The following ADGRL3 variants were observed in gnomAD, a reference collection of about 807,000 sequenced individuals.
The protein encoded by ADGRL3 is adhesion G protein-coupled receptor L3, also known as calcium-independent alpha-latrotoxin receptor 3.
Under a neutral mutation model 153.5 loss-of-function variants are expected in ADGRL3, and 62 were observed. The observed-to-expected ratio is 0.40, with a 90% CI of 0.33 to 0.50. ADGRL3 has a LOEUF of 0.50. Among genes scored for constraint, ADGRL3 ranks in the 20% least tolerant of loss-of-function variants. The pLI is 0.47. For missense variants in ADGRL3, 1,641 were observed against 1,859.4 expected, an observed-to-expected ratio of 0.88 and a Z score of 2.16; for synonymous variants, 710 against 672.5, an observed-to-expected ratio of 1.06 and a Z score of -0.86.
At chr4:61,825,393 TAGC>T (rs1471278263) in intron 9 of ADGRL3, among the ~76,000 whole-genome samples, 1 of 152,200 alleles carries the variant, frequency 6.6e-6, no homozygotes, top group Non-Finnish European at 1.5e-5. Context: ...TAATTTAATT[TAGC>T]AGCAATACTC....
chr4:61,813,313 G>A (rs1580954611), intron 8 of ADGRL3, among the ~76,000 whole-genome samples: 1 of 152,228 alleles, frequency 6.6e-6, no homozygotes, highest in East Asian at 1.9e-4. Flanking sequence ...AGAACAGCTT[G>A]AACCCTGGAG....
At chr4:61,822,816 T>C (rs1346676483) in intron 9 of ADGRL3, among the ~76,000 whole-genome samples, 1 of 152,162 alleles carries the variant, frequency 6.6e-6, no homozygotes, top group African/African-American at 2.4e-5. Context: ...CAAATTCTCT[T>C]TCCATGCTGG....
At chr4:62,030,442 A>G (rs151066397) in intron 22 of ADGRL3, among the ~76,000 whole-genome samples, 339 of 151,682 alleles carry the variant, frequency 2.2e-3, no homozygotes, top group African/African-American at 7.9e-3. Context: ...CTGTTCTCCC[A>G]TATACTTGGG....
At chr4:61,632,273 C>T (rs1424786840) in intron 5 of ADGRL3, among the ~76,000 whole-genome samples, 1 of 152,094 alleles carries the variant, frequency 6.6e-6, no homozygotes, top group African/African-American at 2.4e-5. Flanking sequence ...ATAATCTTTT[C>T]ATGTTAAATA....
chr4:61,807,927 C>A (rs2097569078), intron 8 of ADGRL3, among the ~76,000 whole-genome samples: 1 of 151,930 alleles, frequency 6.6e-6, no homozygotes, highest in African/African-American at 2.4e-5. Flanking sequence ...AGTTTTAATT[C>A]TTTATTAGTC....
chr4:61,428,677 G>A (rs550434913), intron 2 of ADGRL3, among the ~76,000 whole-genome samples: 1 of 152,230 alleles, frequency 6.6e-6, no homozygotes, highest in Admixed American at 6.5e-5. Flanking sequence ...CTGTAAAATT[G>A]GAGTGATAAT....
chr4:62,037,621 G>A (rs1484222518), intron 23 of ADGRL3, 110 bp from the exon 24 acceptor site: 1 of 1,143,754 alleles, frequency 8.7e-7, no homozygotes, highest in Non-Finnish European at 1.3e-6. Context: ...ACATCTGTAG[G>A]GCAAGGAAAT....
At chr4:62,063,758 C>T (rs779468355) in intron 25 of ADGRL3, 22 of 471,724 alleles carry the variant, frequency 4.7e-5, no homozygotes, top group African/African-American at 1.2e-4. Flanking sequence ...AGACTCCTTT[C>T]GCATTCCACC....
chr4:61,776,356 T>A (rs1365941695), intron 8 of ADGRL3, among the ~76,000 whole-genome samples: 1 of 152,188 alleles, frequency 6.6e-6, no homozygotes, highest in South Asian at 2.1e-4. Context: ...TTTGAGTTCT[T>A]TATTTTATTT....
chr4:61,738,124 A>G (rs556308526), intron 8 of ADGRL3, among the ~76,000 whole-genome samples: 1 of 151,908 alleles, frequency 6.6e-6, no homozygotes, highest in African/African-American at 2.4e-5. Flanking sequence ...TATCATTCTT[A>G]TGCCTTTTGC....
intron 8 of ADGRL3, among the ~76,000 whole-genome samples, chr4:61,807,953 G>A (rs554319045): frequency 6.2e-4 from 95 of 152,112 alleles, no homozygotes; most frequent in African/African-American, 2.0e-3. Context: ...TTTGGCATGT[G>A]GGTCCCTGTC....
intron 6 of ADGRL3, among the ~76,000 whole-genome samples, chr4:61,686,436 A>C (rs1458478901): frequency 6.6e-6 from 1 of 152,146 alleles, no homozygotes; most frequent in African/African-American, 2.4e-5. Context: ...GAATCTTATG[A>C]AACTAAAAAA....
At chr4:61,550,020 A>G (rs1201577791) in intron 4 of ADGRL3, among the ~76,000 whole-genome samples, 6 of 152,104 alleles carry the variant, frequency 3.9e-5, no homozygotes, top group South Asian at 4.1e-4. Context: ...ATATACTCAA[A>G]TGCAGCATAT....
intron 4 of ADGRL3, among the ~76,000 whole-genome samples, chr4:61,527,344 T>A (rs946939239): frequency 6.6e-6 from 1 of 152,108 alleles, no homozygotes; most frequent in Admixed American, 6.6e-5. Context: ...ATATATTTTG[T>A]TGATTTATTT....
intron 9 of ADGRL3, among the ~76,000 whole-genome samples, chr4:61,856,280 C>T (rs544678700): frequency 6.3e-4 from 95 of 151,018 alleles, no homozygotes; most frequent in African/African-American, 2.2e-3. Context: ...TCTTTCTTTC[C>T]TTCTTTCTCT....
At chr4:61,434,872 C>A (rs910597294) in intron 2 of ADGRL3, among the ~76,000 whole-genome samples, 1 of 152,006 alleles carries the variant, frequency 6.6e-6, no homozygotes, top group Non-Finnish European at 1.5e-5. Flanking sequence ...TACATCTCAT[C>A]TCTCTCATTT....
intron 19 of ADGRL3, among the ~76,000 whole-genome samples, chr4:61,987,301 G>A (rs1430180480): frequency 1.3e-5 from 2 of 151,938 alleles, no homozygotes; most frequent in African/African-American, 4.8e-5. Context: ...GAGCAGCCGA[G>A]TAGCTGGGAT....
chr4:61,238,848 T>C (rs1224931635), intron 1 of ADGRL3, among the ~76,000 whole-genome samples: 2 of 152,186 alleles, frequency 1.3e-5, no homozygotes, highest in Admixed American at 1.3e-4. Flanking sequence ...TAATACACAT[T>C]CCTGTATATG....
chr4:61,536,914 T>C (rs971192797), intron 4 of ADGRL3, among the ~76,000 whole-genome samples: 1 of 152,110 alleles, frequency 6.6e-6, no homozygotes, highest in Non-Finnish European at 1.5e-5. Flanking sequence ...GTATTATTCT[T>C]GTCATAGTGT....
Sources: allele counts gnomAD v4.1 joint callset (sites outside exome capture counted in the v4.1 genomes callset), GRCh38; gene constraint gnomAD v4.1.1; transcripts MANE v1.5; gene names NCBI Gene and HGNC (gene_info 2026-07-23, HGNC 2026-07-21).